Variants in ALMS1 observed in about 807,000 individuals in gnomAD.
ALMS1 encodes centrosome-associated protein ALMS1.
Under a neutral mutation model 352.2 loss-of-function variants are expected in ALMS1, and 271 were observed. The ratio of observed to expected loss-of-function variants is 0.77; its 90% confidence interval spans 0.70 to 0.85. ALMS1 has a LOEUF of 0.85. Among genes scored for constraint, ALMS1 ranks in the 40% least tolerant of loss-of-function variants. The pLI is 0.00. For missense variants in ALMS1, 5,445 were observed against 4,870.7 expected (o/e 1.12, Z -3.51); for synonymous variants, 1,865 against 1,761.2 (o/e 1.06, Z -1.48).
chr2:73,514,582 C>A (rs188951840), intron 10 of ALMS1, among the ~76,000 whole-genome samples: 1 of 151,886 alleles, frequency 6.6e-6, no homozygotes. Flanking sequence ...TATAAAGCAA[C>A]GTAAAATATG....
chr2:73,517,221 C>T (rs1192540030), intron 10 of ALMS1, among the ~76,000 whole-genome samples: 2 of 121,230 alleles, frequency 1.6e-5, no homozygotes, highest in African/African-American at 7.4e-5. Flanking sequence ...ACTTTATTTT[C>T]AAGTGATTTT....
At chr2:73,394,556 A>C (rs1397827339) in intron 1 of ALMS1, among the ~76,000 whole-genome samples, 2 of 151,138 alleles carry the variant, frequency 1.3e-5, no homozygotes, top group African/African-American at 2.4e-5. Context: ...CACCATGTTG[A>C]CCAGGCTGGT....
chr2:73,604,287 A>C (rs1247732361), intron 21 of ALMS1, among the ~76,000 whole-genome samples: 1 of 152,150 alleles, frequency 6.6e-6, no homozygotes, highest in Non-Finnish European at 1.5e-5. Context: ...AATCCTACCT[A>C]CTCAGGAGTC....
At chr2:73,580,666 G>C (rs1161774235) in intron 16 of ALMS1, among the ~76,000 whole-genome samples, 1 of 152,080 alleles carries the variant, frequency 6.6e-6, no homozygotes, top group Non-Finnish European at 1.5e-5. Context: ...TTGACATTTT[G>C]AATATTATGA....
chr2:73,444,715 G>C (rs891412234), intron 7 of ALMS1, among the ~76,000 whole-genome samples: 1 of 152,124 alleles, frequency 6.6e-6, no homozygotes. Context: ...TGAATTATCA[G>C]TATGCAGGAA....
chr2:73,488,902 G>A (rs1011656814), intron 9 of ALMS1, among the ~76,000 whole-genome samples: 3 of 152,136 alleles, frequency 2.0e-5, no homozygotes, highest in African/African-American at 7.2e-5. Context: ...TCCCCCCATT[G>A]TTAGGGGTAA....
intron 16 of ALMS1, among the ~76,000 whole-genome samples, chr2:73,581,502 A>G (rs1033579273): frequency 2.6e-5 from 4 of 152,210 alleles, no homozygotes; most frequent in Non-Finnish European, 5.9e-5. Context: ...AAAATGCTAC[A>G]AAGTTCTTCT....
chr2:73,505,659 A>AAAACT (rs536839339), intron 10 of ALMS1, among the ~76,000 whole-genome samples: 307 of 152,152 alleles, frequency 2.0e-3, no homozygotes, highest in Middle Eastern at 0.01. Context: ...GCATTTGCTG[A>AAAACT]GGAGTGTTTT....
At chr2:73,519,717 T>A (rs775715466) in intron 10 of ALMS1, 58 bp from the exon 11 acceptor site, 1 of 1,608,798 alleles carries the variant, frequency 6.2e-7, no homozygotes, top group Middle Eastern at 1.9e-4. Flanking sequence ...TGGAAAGAGA[T>A]TTCAGTCTCT....
intron 22 of ALMS1, 63 bp from the exon 23 acceptor site, chr2:73,609,505 G>C: frequency 1.4e-6 from 2 of 1,478,850 alleles, no homozygotes; most frequent in South Asian, 2.3e-5. Flanking sequence ...GCAGGGAGGA[G>C]AGGCATCTGC....
At chr2:73,507,386 C>G (rs1002423953) in intron 10 of ALMS1, among the ~76,000 whole-genome samples, 2 of 152,082 alleles carry the variant, frequency 1.3e-5, no homozygotes, top group East Asian at 3.9e-4. Context: ...TGGTAGAATT[C>G]GGCTGTGAAT....
intron 10 of ALMS1, among the ~76,000 whole-genome samples, chr2:73,503,272 C>T (rs1673253833): frequency 6.6e-6 from 1 of 151,964 alleles, no homozygotes; most frequent in South Asian, 2.1e-4. Context: ...CAACAGTCCC[C>T]AGAGTGTGAT....
At chr2:73,413,098 T>C (rs555725563) in intron 2 of ALMS1, among the ~76,000 whole-genome samples, 4 of 152,116 alleles carry the variant, frequency 2.6e-5, no homozygotes, top group Non-Finnish European at 5.9e-5. Flanking sequence ...CATCTTTTTG[T>C]GTGCTTATTT....
chr2:73,498,081 T>G (rs942507659), intron 10 of ALMS1, among the ~76,000 whole-genome samples: 2 of 152,232 alleles, frequency 1.3e-5, no homozygotes, highest in African/African-American at 4.8e-5. Context: ...TGTATAATAG[T>G]GTCATGTCTA....
intron 12 of ALMS1, among the ~76,000 whole-genome samples, chr2:73,549,889 TCA>T (rs1207067988): frequency 6.6e-6 from 1 of 152,220 alleles, no homozygotes; most frequent in Non-Finnish European, 1.5e-5. Context: ...AGACCAAGTC[TCA>T]CTCTGCCACT....
chr2:73,494,421 TAAG>T (rs1215580356), intron 10 of ALMS1, among the ~76,000 whole-genome samples: 4 of 152,216 alleles, frequency 2.6e-5, no homozygotes, highest in African/African-American at 7.2e-5. Context: ...TTTATCAAAA[TAAG>T]AAATTATTAT....
At chr2:73,420,250 C>T (rs1671257805) in intron 3 of ALMS1, among the ~76,000 whole-genome samples, 1 of 152,168 alleles carries the variant, frequency 6.6e-6, no homozygotes, top group Non-Finnish European at 1.5e-5. Context: ...AAGCTACCTC[C>T]TCTTCTGGGA....
rs200712837 is a variant in ALMS1 at position 73,419,704 on chromosome 2, A to G, written c.646+386A>G. ...ACAAATGTTCATATTTACCTTTTTG[A>G]TTTTTAGAATTAATTAAGGCATATG... On this transcript the variant is annotated intron_variant, in intron 3 of 22. Transcript: ENST00000613296. Among the ~76,000 whole-genome samples, 183 of 152,252 alleles carry G rather than the reference A, an allele frequency of 1.2e-3. 4 individuals carry two copies. In the East Asian group the frequency reaches 0.032, roughly 26 times the overall value.
At chr2:73,435,706 C>G (rs867288705) in intron 7 of ALMS1, among the ~76,000 whole-genome samples, 2 of 151,988 alleles carry the variant, frequency 1.3e-5, no homozygotes, top group African/African-American at 2.4e-5. Context: ...ATCCTCCTGC[C>G]TCAGCCTCCT....
Sources: gnomAD v4.1 joint callset for allele counts (sites outside exome capture counted in the v4.1 genomes callset) on GRCh38, gnomAD v4.1.1 for gene constraint, MANE v1.5 for transcripts, NCBI Gene and HGNC (gene_info 2026-07-23, HGNC 2026-07-21) for gene names.